PLCB4: variants seen among roughly 807,000 people sequenced by gnomAD.
PLCB4 encodes 1-phosphatidylinositol 4,5-bisphosphate phosphodiesterase beta-4.
In PLCB4, 77 loss-of-function variants were observed where a neutral mutation model predicts 178.8. The ratio of observed to expected loss-of-function variants is 0.43; its 90% CI spans 0.36 to 0.52. The LOEUF is 0.52. PLCB4 is among the 20% of genes least tolerant of loss of function. PLCB4 has a pLI of 0.00. For synonymous variants in PLCB4, 496 were observed against 490.8 expected (o/e 1.01, Z -0.14); for missense variants, 1,024 against 1,453.4 (o/e 0.70, Z 4.80).
At chr20:9,398,584 C>A (rs2038784095) in intron 19 of PLCB4, among the ~76,000 whole-genome samples, 1 of 152,036 alleles carries the variant, frequency 6.6e-6, no homozygotes, top group African/African-American at 2.4e-5. Context: ...AATAAATTAA[C>A]AAGAAAACAA....
At chr20:9,310,186 A>C (rs1460893020) in intron 4 of PLCB4, among the ~76,000 whole-genome samples, 2 of 152,194 alleles carry the variant, frequency 1.3e-5, no homozygotes, top group Non-Finnish European at 2.9e-5. Context: ...ACAACATGTA[A>C]GCAGAAAAGG....
At chr20:9,252,743 C>T (rs962986718) in intron 3 of PLCB4, among the ~76,000 whole-genome samples, 5 of 152,152 alleles carry the variant, frequency 3.3e-5, no homozygotes, top group African/African-American at 1.2e-4. Flanking sequence ...TGGGGAAGGG[C>T]TGAATAGAAC....
chr20:9,234,989 T>G (rs923854394), intron 3 of PLCB4, among the ~76,000 whole-genome samples: 1 of 152,176 alleles, frequency 6.6e-6, no homozygotes, highest in Admixed American at 6.5e-5. Context: ...GAGAATGAAG[T>G]GTAACCATGT....
intron 4 of PLCB4, among the ~76,000 whole-genome samples, chr20:9,313,174 C>G (rs888898302): frequency 1.3e-5 from 2 of 152,180 alleles, no homozygotes; most frequent in Non-Finnish European, 1.5e-5. Flanking sequence ...AAGATACTTA[C>G]AGTCATCAAA....
chr20:9,371,372 T>A, intron 10 of PLCB4, 77 bp downstream of exon 10: 1 of 769,734 alleles, frequency 1.3e-6, no homozygotes, highest in Non-Finnish European at 2.2e-6. Context: ...GCTAGATTAT[T>A]TATATTAAAC....
In PLCB4 at chr20:9,387,502, C is replaced by A; in HGVS notation, c.1104C>A (p.Asp368Glu). ...ACTGCTGGGATGGAAAAGGTGAAGA[C>A]CAAGAACCAATAATAACTCATGGAA... ...ELDCWDGKGE[D>E]QEPIITHGKA... Residue 368 changes from aspartate to glutamate, a missense_variant, in exon 15 of 40, where the codon GAC (aspartate) becomes GAA (glutamate). Asp to Glu is a conservative substitution (Grantham distance 45, BLOSUM62 2). Around this residue, in one of 7 missense-constraint regions of PLCB4, gnomAD observed 263 missense variants for 417.4 expected, o/e 0.63. Transcript: ENST00000378473. 2 of 1,600,732 alleles carry A rather than the reference C, an allele frequency of 1.2e-6. No homozygotes were observed. The highest frequency in any genetic ancestry group is 1.7e-6 in the Non-Finnish European group (2 of 1,170,198).
intron 2 of PLCB4, among the ~76,000 whole-genome samples, chr20:9,172,987 A>G (rs2093089187): frequency 6.6e-6 from 1 of 152,148 alleles, no homozygotes; most frequent in Non-Finnish European, 1.5e-5. Context: ...TCCATGATCT[A>G]GAATATAAGA....
At chr20:9,362,080 T>C (rs1413334982) in intron 7 of PLCB4, among the ~76,000 whole-genome samples, 1 of 152,190 alleles carries the variant, frequency 6.6e-6, no homozygotes, top group African/African-American at 2.4e-5. Context: ...AGGAATCAGC[T>C]TATGTGTGGG....
intron 3 of PLCB4, among the ~76,000 whole-genome samples, chr20:9,221,163 C>T (rs1407265705): frequency 6.6e-6 from 1 of 152,010 alleles, no homozygotes; most frequent in Admixed American, 6.6e-5. Flanking sequence ...AAGCAATGTG[C>T]CTGCCCCAGC....
chr20:9,468,053 G>A (rs2043916980), intron 35 of PLCB4, among the ~76,000 whole-genome samples: 1 of 152,084 alleles, frequency 6.6e-6, no homozygotes, highest in African/African-American at 2.4e-5. Flanking sequence ...CAGGAAGGCC[G>A]TTTGTGATGG....
intron 35 of PLCB4, among the ~76,000 whole-genome samples, chr20:9,460,566 A>G (rs952111575): frequency 1.3e-5 from 2 of 152,240 alleles, no homozygotes; most frequent in African/African-American, 4.8e-5. Context: ...ACTGCAAGCC[A>G]TGAGCTGGAC....
chr20:9,426,656 C>T (rs1399740432), intron 28 of PLCB4, among the ~76,000 whole-genome samples: 5 of 152,016 alleles, frequency 3.3e-5, no homozygotes, highest in African/African-American at 4.8e-5. Flanking sequence ...GGATTACAGA[C>T]GTGAGCCACT....
At chr20:9,416,866 G>A (rs1294238709) in intron 25 of PLCB4, among the ~76,000 whole-genome samples, 1 of 152,116 alleles carries the variant, frequency 6.6e-6, no homozygotes, top group African/African-American at 2.4e-5. Flanking sequence ...AAATGTAAGG[G>A]AATATTTTTA....
chr20:9,209,963 C>CAAAAAAAA (rs58424232), intron 2 of PLCB4, among the ~76,000 whole-genome samples: 1 of 47,936 alleles, frequency 2.1e-5, no homozygotes, highest in Non-Finnish European at 4.1e-5. Context: ...GACTCTGTCT[C>CAAAAAAAA]AAAAAAAAAA....
chr20:9,124,994 C>T (rs966070085), intron 2 of PLCB4, among the ~76,000 whole-genome samples: 6 of 152,066 alleles, frequency 3.9e-5, no homozygotes, highest in Non-Finnish European at 7.4e-5. Context: ...TCATTTTAAA[C>T]CTTTTCAAAT....
chr20:9,127,658 CTATCTATCTATCTATCTATCTATCT>C (rs2092153720), intron 2 of PLCB4, among the ~76,000 whole-genome samples: 1 of 150,684 alleles, frequency 6.6e-6, no homozygotes, highest in East Asian at 2.0e-4. Context: ...ATCTATCTAT[CTATCTATCTATCTATCTATCTATCT>C]ATCCATCCAT....
chr20:9,095,097 A>C (rs950710391), intron 1 of PLCB4, among the ~76,000 whole-genome samples: 10 of 152,218 alleles, frequency 6.6e-5, no homozygotes, highest in African/African-American at 2.4e-4. Flanking sequence ...CAGCTATCTA[A>C]GCTTAGCCAA....
At chr20:9,315,939 T>TA (rs57090612) in intron 4 of PLCB4, among the ~76,000 whole-genome samples, 2,001 of 149,644 alleles carry the variant, frequency 0.013, 40 homozygotes, top group African/African-American at 0.047. Flanking sequence ...AGATTCTGTC[T>TA]AAAAAAAAAT....
At chr20:9,170,539 A>C (rs1306982731) in intron 2 of PLCB4, among the ~76,000 whole-genome samples, 5 of 152,090 alleles carry the variant, frequency 3.3e-5, no homozygotes, top group Non-Finnish European at 7.4e-5. Flanking sequence ...AAGAAAAAAA[A>C]CTCCTCTTTC....
Sources: gnomAD v4.1 joint callset for allele counts (sites outside exome capture counted in the v4.1 genomes callset) on GRCh38, gnomAD v4.1.1 for gene constraint, gnomAD v4.1.1 regional missense constraint, MANE v1.5 for transcripts, NCBI Gene and HGNC (gene_info 2026-07-23, HGNC 2026-07-21) for gene names.